ASTN2: variants seen among roughly 807,000 people sequenced by gnomAD.
ASTN2 encodes astrotactin 2, also known as astrotactin-2.
Under a neutral mutation model 139.8 loss-of-function variants are expected in ASTN2, and 54 were observed. The observed-to-expected ratio is 0.39, with a 90% CI of 0.31 to 0.48. ASTN2 has a LOEUF of 0.48. Ranked by LOEUF, ASTN2 falls within the 20% of genes least tolerant of loss-of-function variation. ASTN2 has a pLI of 0.95. For missense variants in ASTN2, 1,565 were observed against 1,725.1 expected (o/e 0.91, Z 1.64); for synonymous variants, 756 against 719.5 (o/e 1.05, Z -0.81).
At chr9:116,583,571 C>A (rs1301542925) in intron 19 of ASTN2, 1 of 149,866 alleles carries the variant, frequency 6.7e-6, no homozygotes, top group Non-Finnish European at 1.5e-5. Flanking sequence ...AGACATAGAT[C>A]CTTACCTTAA....
chr9:117,059,613 TTTA>T (rs1839179162), intron 5 of ASTN2, among the ~76,000 whole-genome samples: 2 of 152,044 alleles, frequency 1.3e-5, no homozygotes, highest in Admixed American at 1.3e-4. Context: ...ATTATGTTTT[TTTA>T]TTATTACTAT....
intron 11 of ASTN2, among the ~76,000 whole-genome samples, chr9:116,839,849 T>TAA (rs1481609354): frequency 0.028 from 3,957 of 142,334 alleles, 86 homozygotes; most frequent in African/African-American, 0.052. Flanking sequence ...TTTTTTATTT[T>TAA]ATTTTATTTC....
In ASTN2 at chr9:116,782,964, T is replaced by C. The variant is rs768629925; in HGVS notation, c.2396+22668A>G. ...TATCTTTCTTTTGTTAGTGTATGAG[T>C]TCAGTAGGTAGAGTGACTACATAAT... On this transcript the variant is annotated intron_variant, in intron 13 of 22. Transcript: ENST00000313400. Among the ~76,000 whole-genome samples the C allele has an allele frequency of 2.0e-5, 3 of 152,116 alleles. No homozygotes were observed. The South Asian group carries it at 6.2e-4, about 31-fold the overall frequency.
At chr9:117,014,147 GA>G (rs1304837405) in intron 6 of ASTN2, among the ~76,000 whole-genome samples, 2 of 152,028 alleles carry the variant, frequency 1.3e-5, no homozygotes, top group Non-Finnish European at 2.9e-5. Flanking sequence ...GAAACAAGAT[GA>G]AAAACAAACT....
chr9:117,295,922 C>T (rs1312022237), intron 1 of ASTN2, among the ~76,000 whole-genome samples: 8 of 151,948 alleles, frequency 5.3e-5, no homozygotes, highest in Non-Finnish European at 1.2e-4. Flanking sequence ...TAGAGATCAG[C>T]TGGTCATCGC....
intron 13 of ASTN2, among the ~76,000 whole-genome samples, chr9:116,803,522 A>ATATAT (rs1554748694): frequency 9.5e-5 from 2 of 21,136 alleles, no homozygotes; most frequent in Non-Finnish European, 8.0e-5. Context: ...ATATATATAT[A>ATATAT]TTTTTTTTTT....
intron 2 of ASTN2, among the ~76,000 whole-genome samples, chr9:117,225,009 G>C (rs1405369360): frequency 6.6e-6 from 1 of 152,194 alleles, no homozygotes; most frequent in Non-Finnish European, 1.5e-5. Flanking sequence ...CTCAGGGTCT[G>C]ACACTGAGTA....
intron 4 of ASTN2, among the ~76,000 whole-genome samples, chr9:117,112,600 A>C (rs1460599376): frequency 6.6e-6 from 1 of 152,214 alleles, no homozygotes; most frequent in East Asian, 1.9e-4. Context: ...TACCATATAC[A>C]CATATTAACT....
intron 5 of ASTN2, among the ~76,000 whole-genome samples, chr9:117,089,485 C>A (rs58399611): frequency 0.16 from 24,322 of 151,638 alleles, 2,292 homozygotes; most frequent in African/African-American, 0.24. Context: ...CCTTGCATGA[C>A]AAATAGACTC....
intron 17 of ASTN2, among the ~76,000 whole-genome samples, chr9:116,636,785 A>C (rs925961696): frequency 6.6e-6 from 1 of 152,246 alleles, no homozygotes; most frequent in Non-Finnish European, 1.5e-5. Flanking sequence ...TGTGGATTAC[A>C]TCATGATCTC....
chr9:116,546,854 T>A (rs942511864), intron 19 of ASTN2, among the ~76,000 whole-genome samples: 9 of 152,114 alleles, frequency 5.9e-5, no homozygotes, highest in Admixed American at 3.9e-4. Flanking sequence ...AGCTCCCAGG[T>A]CATGCAATCA....
chr9:116,834,372 C>T (rs1281519733), intron 11 of ASTN2, among the ~76,000 whole-genome samples: 3 of 152,132 alleles, frequency 2.0e-5, no homozygotes, highest in African/African-American at 4.8e-5. Context: ...GTTCTTCTAT[C>T]GGTTTTGGAA....
rs1322356503 is a variant in ASTN2, at chr9:117,305,910, T to C, written c.443-14397A>G. Among the ~76,000 whole-genome samples the C allele has an allele frequency of 2.2e-4, 33 of 152,342 alleles. 1 individual carries two copies. The highest frequency in any genetic ancestry group is 2.2e-3 in the Admixed American group (33 of 15,304). On this transcript the variant is annotated intron_variant, in intron 1 of 22. Coordinates refer to ENST00000313400, the MANE Select transcript of ASTN2 (RefSeq NM_001365068.1). Reference sequence around the variant, plus strand: ...GCTCAATAATGTCTGCAGCAGTGAATGTTGCTACTACTATCTCCTCTGCGG... The same window carrying C: ...GCTCAATAATGTCTGCAGCAGTGAACGTTGCTACTACTATCTCCTCTGCGG...
intron 1 of ASTN2, among the ~76,000 whole-genome samples, chr9:117,331,778 C>T (rs1223090873): frequency 6.6e-6 from 1 of 152,166 alleles, no homozygotes; most frequent in Non-Finnish European, 1.5e-5. Context: ...AAAACGAAGT[C>T]TGTGAGTTAA....
Position 116,818,712 on chromosome 9 carries a change from G to T in ASTN2, c.2207+1905C>A, listed in dbSNP as rs112802009. On this transcript the variant is annotated intron_variant, in intron 12 of 22. Transcript: ENST00000313400. ...CAAACACATACAGTGCTAATTCTGT[G>T]CAGGACATTGTTCCAAAGCATTTCA... Among the ~76,000 whole-genome samples, 25 of 152,266 alleles carry T rather than the reference G, an allele frequency of 1.6e-4. 1 individual carries two copies. Among genetic ancestry groups the T allele is most frequent in the African/African-American group, 5.3e-4 (22 of 41,550 alleles).
At chr9:117,253,098 T>A (rs1052277624) in intron 2 of ASTN2, among the ~76,000 whole-genome samples, 1 of 152,118 alleles carries the variant, frequency 6.6e-6, no homozygotes, top group Non-Finnish European at 1.5e-5. Context: ...TCTGATATAT[T>A]GGGCAGTCAT....
At chr9:116,787,245 C>G (rs1029936594) in intron 13 of ASTN2, among the ~76,000 whole-genome samples, 3 of 152,186 alleles carry the variant, frequency 2.0e-5, no homozygotes, top group South Asian at 4.1e-4. Context: ...GACTAAACAC[C>G]AGGCAGGCTT....
At chr9:116,669,676 T>C (rs1859072834) in intron 16 of ASTN2, among the ~76,000 whole-genome samples, 1 of 152,248 alleles carries the variant, frequency 6.6e-6, no homozygotes, top group Non-Finnish European at 1.5e-5. Context: ...CAGTCCTTTA[T>C]TGGATGTGTC....
intron 1 of ASTN2, among the ~76,000 whole-genome samples, chr9:117,360,523 G>A (rs7029526): frequency 0.34 from 51,102 of 152,034 alleles, 8,882 homozygotes; most frequent in Middle Eastern, 0.38. Flanking sequence ...GAGATGAGCA[G>A]GGGATAATTC....
Sources: allele counts gnomAD v4.1 joint callset (sites outside exome capture counted in the v4.1 genomes callset), GRCh38; gene constraint gnomAD v4.1.1; transcripts MANE v1.5; gene names NCBI Gene and HGNC (gene_info 2026-07-23, HGNC 2026-07-21).